OTOF: variants seen among roughly 807,000 people sequenced by gnomAD.
The protein encoded by OTOF is fer-1-like family member 2.
OTOF carries 218 observed loss-of-function variants against 236.8 expected under a neutral mutation model. The ratio of observed to expected loss-of-function variants is 0.92; its 90% CI spans 0.82 to 1.03. The LOEUF (loss-of-function observed/expected upper bound fraction) is 1.03, where lower values mean the gene tolerates loss of function less well. Among genes scored for constraint, OTOF ranks in the 50% least tolerant of loss-of-function variants. The pLI, the probability that OTOF is intolerant of heterozygous loss-of-function variation, is 0.00. For synonymous variants in OTOF, 1,041 were observed against 1,072.5 expected, an observed-to-expected ratio of 0.97 and a Z score of 0.57; for missense variants, 2,590 against 2,694.4, an observed-to-expected ratio of 0.96 and a Z score of 0.86.
intron 3 of OTOF, among the ~76,000 whole-genome samples, chr2:26,523,487 G>A (rs1666729049): frequency 6.6e-6 from 1 of 152,070 alleles, no homozygotes; most frequent in Non-Finnish European, 1.5e-5. Flanking sequence ...TCTCGTCCTG[G>A]GACCCACTCT....
chr2:26,511,582 C>T lies in OTOF; in HGVS notation c.509+4836G>A, dbSNP rs112077375. 4.3e-3 allele frequency among the ~76,000 whole-genome samples: 655 copies of T among 152,362 alleles called. 5 individuals carry two copies. Among genetic ancestry groups the T allele is most frequent in the African/African-American group, 0.015 (607 of 41,574 alleles). ...GGCTCAAGACCTGAAGGCCTAGACACAGCACAGCTGCAGTCCAGCGCTGGC... is the reference window on the plus strand; with the variant it reads ...GGCTCAAGACCTGAAGGCCTAGACATAGCACAGCTGCAGTCCAGCGCTGGC... On this transcript the variant is annotated intron_variant, in intron 5 of 46. Coordinates refer to ENST00000272371, the MANE Select transcript of OTOF (RefSeq NM_194248.3).
At chr2:26,500,508 C>G (rs759021809) in intron 8 of OTOF, among the ~76,000 whole-genome samples, 2 of 152,144 alleles carry the variant, frequency 1.3e-5, no homozygotes, top group Admixed American at 1.3e-4. Context: ...GAAAAGCCCT[C>G]GGAAGTCTCA....
At chr2:26,528,036 C>T (rs762541784) in intron 2 of OTOF, 116 bp from the exon 3 acceptor site, 1 of 745,882 alleles carries the variant, frequency 1.3e-6, no homozygotes, top group Non-Finnish European at 2.4e-6. Flanking sequence ...CTCACTTGGG[C>T]CCAGTGCTCC....
At chr2:26,527,748 G>A (rs1666843138) in intron 3 of OTOF, 84 bp downstream of exon 3, 11 of 995,926 alleles carry the variant, frequency 1.1e-5, no homozygotes, top group Non-Finnish European at 1.8e-5. Context: ...CCCTTTTTAA[G>A]CCCCAAACAG....
Position 26,480,829 on chromosome 2 carries a change from C to T in OTOF, c.1760G>A (p.Ser587Asn). 1 of 1,612,844 alleles carries T rather than the reference C, an allele frequency of 6.2e-7. No homozygotes were observed. The highest frequency in any genetic ancestry group is 1.3e-5 in the African/African-American group (1 of 75,028). ...IVDTSNPELTSSTEVQVEQAT... is the reference protein window; with the variant it reads ...IVDTSNPELTNSTEVQVEQAT... ...CTGCTCCACCTGCACCTCTGTGGAGCTGGTGAGCTCAGGGTTGGAGGTGTC... is the reference window on the plus strand; with the variant it reads ...CTGCTCCACCTGCACCTCTGTGGAGTTGGTGAGCTCAGGGTTGGAGGTGTC... The change falls in exon 15 of 47, where the codon AGC (serine) becomes AAC (asparagine). Residue 587 changes from serine to asparagine, a missense_variant. Coordinates refer to ENST00000272371, the MANE Select transcript of OTOF (RefSeq NM_194248.3).
rs1369409876 is a variant in OTOF at position 26,483,645 on chromosome 2, G to A, written c.1209C>T (p.Asn403=). Residue 403 remains asparagine, a synonymous_variant, in exon 13 of 47, where the codon AAC becomes AAT. Transcript: ENST00000272371. ...GGGGCACCCCCTCGGGGAGCAGCAAGTTCCTGCCAGCACATACAGCCAGGG... is the reference window on the plus strand; with the variant it reads ...GGGGCACCCCCTCGGGGAGCAGCAAATTCCTGCCAGCACATACAGCCAGGG... ...NETDEDDIEG[N]LLLPEGVPPE... is the part of the protein sequence containing the mutation. 1 of 1,611,796 alleles carries A rather than the reference G, an allele frequency of 6.2e-7. No homozygotes were observed. The highest frequency in any genetic ancestry group is 2.2e-5 in the East Asian group (1 of 44,908).
At chr2:26,488,164 C>T (rs1232146381) in intron 11 of OTOF, among the ~76,000 whole-genome samples, 4 of 152,184 alleles carry the variant, frequency 2.6e-5, no homozygotes. Context: ...CACAAGCGAT[C>T]GCCAATTTGT....
At position 26,468,390 on chromosome 2, in the gene OTOF, C is replaced by T. The variant is rs1462177439; in HGVS notation, c.4090+18G>A. The T allele has an allele frequency of 1.9e-6, 3 of 1,607,022 alleles. No homozygotes were observed. Among genetic ancestry groups the T allele is most frequent in the Non-Finnish European group, 2.6e-6 (3 of 1,173,812 alleles). On this transcript the variant is annotated intron_variant, in intron 33 of 46. Coordinates refer to ENST00000272371, the MANE Select transcript of OTOF (RefSeq NM_194248.3). ...GGGGCGGGGAGGAGGAGGCAGAGTT[C>T]CAGGTTCCAGGGCTCACCCTCGGTA...
intron 1 of OTOF, among the ~76,000 whole-genome samples, chr2:26,538,306 C>G (rs1488914118): frequency 1.3e-5 from 2 of 152,246 alleles, no homozygotes; most frequent in East Asian, 3.8e-4. Flanking sequence ...CAGCCATTCC[C>G]CGTGGGCCAA....
chr2:26,471,011 A>G, intron 31 of OTOF, 110 bp downstream of exon 31: 2 of 1,385,786 alleles, frequency 1.4e-6, no homozygotes, highest in Non-Finnish European at 2.1e-6. Context: ...TGGCCCAAGC[A>G]TGCGGGGGCT....
chr2:26,530,723 A>T (rs564933369), intron 2 of OTOF, among the ~76,000 whole-genome samples: 1 of 150,560 alleles, frequency 6.6e-6, no homozygotes, highest in Non-Finnish European at 1.5e-5. Context: ...CTCTGTCTCT[A>T]TCTCTCCCTT....
intron 4 of OTOF, among the ~76,000 whole-genome samples, chr2:26,517,546 C>G (rs546123180): frequency 6.6e-6 from 1 of 152,314 alleles, no homozygotes; most frequent in East Asian, 1.9e-4. Flanking sequence ...CTAGGAAGTA[C>G]TGGAGCTGGG....
intron 4 of OTOF, among the ~76,000 whole-genome samples, chr2:26,518,430 A>G (rs2140074): frequency 0.36 from 54,259 of 152,166 alleles, 10,315 homozygotes; most frequent in East Asian, 0.59. Context: ...CCAACTGCCC[A>G]TGAGTGGCCA....
At chr2:26,486,189 G>GA (rs1665695411) in intron 11 of OTOF, among the ~76,000 whole-genome samples, 2 of 146,904 alleles carry the variant, frequency 1.4e-5, no homozygotes, top group African/African-American at 4.9e-5. Context: ...TGGGTGGGTG[G>GA]ATCTGTGGAT....
chr2:26,465,435 C>T lies in OTOF; in HGVS notation c.4799+237G>A, dbSNP rs58075538. Among the ~76,000 whole-genome samples, 297 of 152,350 alleles carry T rather than the reference C, an allele frequency of 1.9e-3. 1 individual carries two copies. The highest frequency in any genetic ancestry group is 6.1e-3 in the African/African-American group (255 of 41,582). ...CTTGCTAGCCCCCACCTTCCCTAGC[C>T]CACTTGTCTCTCCTCGTCCTGCCTC... On this transcript the variant is annotated intron_variant, in intron 38 of 46. Coordinates refer to ENST00000272371, the MANE Select transcript of OTOF (RefSeq NM_194248.3).
intron 32 of OTOF, among the ~76,000 whole-genome samples, chr2:26,468,779 A>G (rs1275703924): frequency 2.6e-5 from 4 of 152,214 alleles, no homozygotes; most frequent in Non-Finnish European, 5.9e-5. Context: ...AGAAACCATC[A>G]TTCTGAAGAA....
intron 1 of OTOF, among the ~76,000 whole-genome samples, chr2:26,539,789 G>C (rs1572490749): frequency 6.6e-6 from 1 of 152,180 alleles, no homozygotes; most frequent in African/African-American, 2.4e-5. Context: ...GGGAGGGAGA[G>C]TGAGAAGATA....
chr2:26,479,769 G>C (rs1360086420), intron 16 of OTOF, 116 bp from the exon 17 acceptor site: 3 of 976,320 alleles, frequency 3.1e-6, no homozygotes, highest in Non-Finnish European at 4.7e-6. Context: ...CAGGGAATGG[G>C]GCTCAGACGT....
In OTOF at chr2:26,465,774, A is replaced by G; in HGVS notation, c.4697T>C (p.Leu1566Pro). 2 of 1,614,246 alleles carry G rather than the reference A, an allele frequency of 1.2e-6. No homozygotes were observed. The highest frequency in any genetic ancestry group is 1.7e-6 in the Non-Finnish European group (2 of 1,180,040). The stretch of plus-strand genomic sequence containing the variant: ...CCCAATGAGGTCATCAGTGCCCACC[A>G]GGTCCCAGTCATACACAGCCACCGT... ...MLTVAVYDWDLVGTDDLIGET... is the reference protein window; with the variant it reads ...MLTVAVYDWDPVGTDDLIGET... The change falls in exon 38 of 47, where the codon CTG becomes CCG. Residue 1566 changes from leucine (L) to proline (P), a missense_variant. Around this residue, in one of 2 missense-constraint regions of OTOF, gnomAD observed 1,211 missense variants for 1,352.8 expected, o/e 0.90. Coordinates refer to ENST00000272371, the MANE Select transcript of OTOF (RefSeq NM_194248.3).
Sources: allele counts gnomAD v4.1 joint callset (sites outside exome capture counted in the v4.1 genomes callset), GRCh38; gene constraint gnomAD v4.1.1; regional missense constraint gnomAD v4.1.1; transcripts MANE v1.5; gene names NCBI Gene and HGNC (gene_info 2026-07-23, HGNC 2026-07-21).